The following SPAG7 variants were observed in gnomAD, a reference collection of about 807,000 sequenced individuals.
The protein encoded by SPAG7 is sperm associated antigen 7.
In SPAG7, 20 loss-of-function variants were observed where a neutral mutation model predicts 30.6. That is an observed-to-expected ratio of 0.65 (90% CI 0.46 to 0.95). The LOEUF (loss-of-function observed/expected upper bound fraction) is 0.95. SPAG7 is among the 40% of genes least tolerant of loss of function. The pLI, the probability that SPAG7 is intolerant of heterozygous loss-of-function variation, is 0.00. For missense variants in SPAG7, 276 were observed against 291.1 expected, an observed-to-expected ratio of 0.95 and a Z score of 0.38; for synonymous variants, 127 against 104.2, an observed-to-expected ratio of 1.22 and a Z score of -1.33.
chr17:4,962,082 A>C (rs948426489), intron 1 of SPAG7, among the ~76,000 whole-genome samples: 1 of 151,846 alleles, frequency 6.6e-6, no homozygotes, highest in Non-Finnish European at 1.5e-5. Context: ...CCCTTTCCCA[A>C]CTCCACTGGG....
chr17:4,960,251 C>G lies in SPAG7; in HGVS notation c.310G>C (p.Val104Leu). 6.2e-7 allele frequency: 1 copy of G among 1,614,190 alleles called. No homozygotes were observed. Among genetic ancestry groups the G allele is most frequent in the Non-Finnish European group, 8.5e-7 (1 of 1,180,022 alleles). Residue 104 changes from valine to leucine, a missense_variant, in exon 4 of 7, where the codon GTC (valine) becomes CTC (leucine). Val to Leu is a conservative substitution (Grantham distance 32). Transcript: ENST00000206020. Reference sequence around the variant, plus strand: ...CCCTTTACCTTTTTGAAGATCATGACATAGCGACAGTCATCATCTTCCCCA... The same window carrying G: ...CCCTTTACCTTTTTGAAGATCATGAGATAGCGACAGTCATCATCTTCCCCA... ...SFGEDDDCRY[V>L]MIFKKEFAPS... is the part of the protein sequence containing the mutation.
intron 1 of SPAG7, among the ~76,000 whole-genome samples, chr17:4,965,481 C>T (rs1034515986): frequency 1.3e-5 from 2 of 152,082 alleles, no homozygotes; most frequent in Non-Finnish European, 1.5e-5. Context: ...CTGAGACACC[C>T]AGCAGCATAG....
intron 1 of SPAG7, among the ~76,000 whole-genome samples, chr17:4,963,116 A>G (rs1445380103): frequency 6.6e-6 from 1 of 151,702 alleles, no homozygotes; most frequent in East Asian, 2.0e-4. Flanking sequence ...GTTTGGGCTG[A>G]GCGTGGTGGC....
intron 2 of SPAG7, 93 bp downstream of exon 2, chr17:4,960,688 TCAAGA>T: frequency 7.0e-7 from 1 of 1,429,876 alleles, no homozygotes; most frequent in Non-Finnish European, 9.9e-7. Context: ...GTCACCTCTC[TCAAGA>T]CATTTTCAGC....
intron 1 of SPAG7, among the ~76,000 whole-genome samples, chr17:4,964,759 CAG>C (rs1440298364): frequency 6.6e-6 from 1 of 151,088 alleles, no homozygotes; most frequent in African/African-American, 2.4e-5. Flanking sequence ...TATTTCGAGA[CAG>C]AGTCTCGCTG....
chr17:4,963,281 G>C (rs777099993), intron 1 of SPAG7, among the ~76,000 whole-genome samples: 2 of 151,828 alleles, frequency 1.3e-5, no homozygotes, highest in Non-Finnish European at 2.9e-5. Flanking sequence ...CCAGCTACTC[G>C]GGAGGCTGAG....
rs769767340 is a variant in SPAG7 at position 4,959,858 on chromosome 17, G to A, written c.476C>T (p.Pro159Leu). 3.0e-5 allele frequency: 49 copies of A among 1,613,860 alleles called. No individual in the cohort carries two copies. Among genetic ancestry groups the A allele is most frequent in the Non-Finnish European group, 4.1e-5 (48 of 1,180,036 alleles). The change falls in exon 6 of 7, where the codon CCT becomes CTT. Residue 159 changes from proline (P) to leucine (L), a missense_variant. Pro to Leu is a moderately conservative substitution (Grantham distance 98). Transcript: ENST00000206020. ...GTACTTGTCCTTGTAGTCGCTGGCA[G>A]GGCTCACCACCACAGGCCCCTGCTG... ...AAQQGPVVVS[P>L]ASDYKDKYSH...
chr17:4,960,890 G>A (rs772751815), intron 1 of SPAG7, 37 bp from the exon 2 acceptor site: 1 of 1,594,842 alleles, frequency 6.3e-7, no homozygotes, highest in South Asian at 1.1e-5. Context: ...GCCAGGGCTG[G>A]AAGCATGGGT....
chr17:4,965,177 T>G lies in SPAG7; in HGVS notation c.85+2543A>C, dbSNP rs958938665. Among the ~76,000 whole-genome samples, 104 of 152,316 alleles carry G rather than the reference T, an allele frequency of 6.8e-4. No individual in the cohort carries two copies. In the East Asian group the frequency reaches 0.013, roughly 19 times the overall value. On this transcript the variant is annotated intron_variant, in intron 1 of 6. Transcript: ENST00000206020. ...ATCCGCCCGCCTCAGCCTCCCAAAG[T>G]GTTGGGATTACAGGCGTGAGCCACC...
Position 4,959,604 on chromosome 17 carries a change from T to C in SPAG7, c.614A>G (p.Glu205Gly). ...CTTGGCTCTGATCTCATTCATAGCC[T>C]CTTCAATGGAGCGTGTGTCCCTCTT... ...ANKRDTRSIE[E>G]AMNEIRAKKR... The change falls in exon 7 of 7, where the codon GAG becomes GGG. Residue 205 changes from glutamate (E) to glycine (G), a missense_variant. By Grantham distance (98) the Glu-to-Gly change is moderately conservative (BLOSUM62 -2). Transcript: ENST00000206020. 6.2e-7 allele frequency: 1 copy of C among 1,614,130 alleles called. No individual in the cohort carries two copies. The highest frequency in any genetic ancestry group is 8.5e-7 in the Non-Finnish European group (1 of 1,180,022).
In SPAG7 at chr17:4,967,754, G is replaced by T. The variant is rs754068212; in HGVS notation, c.51C>A (p.Ser17Arg). The change falls in exon 1 of 7, where the codon AGC (serine) becomes AGA (arginine). Residue 17 changes from serine to arginine, a missense_variant. Physicochemically the swap from Ser to Arg is moderately radical, Grantham distance 110. Coordinates refer to ENST00000206020, the MANE Select transcript of SPAG7 (RefSeq NM_004890.3). ...TGCGCCGAGTCTCCTGGTCACCGAG[G>T]CTGGGTGGCTTCTCCATGGAGCTCA... is the stretch of plus-strand genomic sequence containing the variant. ...SILSSMEKPP[S>R]LGDQETRRKA... 1.9e-6 allele frequency: 3 copies of T among 1,614,136 alleles called. No individual in the cohort carries two copies. Among genetic ancestry groups the T allele is most frequent in the Middle Eastern group, 1.6e-4 (1 of 6,062 alleles).
intron 1 of SPAG7, among the ~76,000 whole-genome samples, chr17:4,965,193 G>A (rs946066488): frequency 6.6e-6 from 1 of 151,936 alleles, no homozygotes. Flanking sequence ...GATTACAGGC[G>A]TGAGCCACCA....
intron 1 of SPAG7, 76 bp downstream of exon 1, chr17:4,967,644 G>A: frequency 1.8e-6 from 2 of 1,131,814 alleles, no homozygotes; most frequent in Non-Finnish European, 2.7e-6. Context: ...TTGAGGAGGC[G>A]GCATCGTCCA....
At chr17:4,960,879 A>C (rs1233514042) in intron 1 of SPAG7, 26 bp from the exon 2 acceptor site, 1 of 1,609,662 alleles carries the variant, frequency 6.2e-7, no homozygotes, top group African/African-American at 1.3e-5. Flanking sequence ...GGCAACATGA[A>C]GCCAGGGCTG....
Position 4,960,467 on chromosome 17 carries a change from C to T in SPAG7, c.234G>A (p.Arg78=). 6.2e-7 allele frequency: 1 copy of T among 1,606,342 alleles called. No individual in the cohort carries two copies. The highest frequency in any genetic ancestry group is 8.5e-7 in the Non-Finnish European group (1 of 1,177,132). The change falls in exon 3 of 7, where the codon AGG becomes AGA. Residue 78 remains arginine, a synonymous_variant. Coordinates refer to ENST00000206020, the MANE Select transcript of SPAG7 (RefSeq NM_004890.3). The stretch of plus-strand genomic sequence containing the variant: ...AGCCCAGGGACACTCACAGTATGCT[C>T]CTCTCGATCTTGTTCATTGGCTGAA... The part of the protein sequence containing the change: ...KKFQPMNKIE[R]SILHDVVEVA...
At position 4,962,775 on chromosome 17, in the gene SPAG7, C is replaced by T. The variant is rs995993818; in HGVS notation, c.86-1922G>A. On this transcript the variant is annotated intron_variant, in intron 1 of 6. Transcript: ENST00000206020. ...ATGTTGGTCAGGTTGGTCTCGAACT[C>T]CTGACCTCGTGATCCGCCCGCCTCA... Among the ~76,000 whole-genome samples, 152 of 151,956 alleles carry T rather than the reference C, an allele frequency of 1.0e-3. 1 individual carries two copies. The highest frequency in any genetic ancestry group is 1.9e-3 in the Non-Finnish European group (132 of 68,000).
At chr17:4,966,474 C>CTTAGA in intron 1 of SPAG7, 1 of 619,500 alleles carries the variant, frequency 1.6e-6, no homozygotes, top group Non-Finnish European at 2.0e-6. Context: ...TGATCCCCCA[C>CTTAGA]TTAGACAGTC....
chr17:4,966,025 G>C (rs1287448187), intron 1 of SPAG7: 1 of 152,078 alleles, frequency 6.6e-6, no homozygotes, highest in African/African-American at 2.4e-5. Context: ...GCTAATTTTC[G>C]TATTTTTAGT....
intron 1 of SPAG7, among the ~76,000 whole-genome samples, chr17:4,964,606 C>T (rs1489454518): frequency 6.6e-6 from 1 of 152,166 alleles, no homozygotes; most frequent in Non-Finnish European, 1.5e-5. Context: ...CATGATCCAC[C>T]CGCCTCGGCC....
Sources: gnomAD v4.1 joint callset for allele counts (sites outside exome capture counted in the v4.1 genomes callset) on GRCh38, gnomAD v4.1.1 for gene constraint, MANE v1.5 for transcripts, NCBI Gene and HGNC (gene_info 2026-07-23, HGNC 2026-07-21) for gene names.